SHANK2: variants seen among roughly 807,000 people sequenced by gnomAD.
SHANK2 encodes SH3 and multiple ankyrin repeat domains protein 2.
A neutral mutation model predicts 133.7 loss-of-function variants in SHANK2; 43 were observed. That is an observed-to-expected ratio of 0.32 (90% CI 0.25 to 0.41). The LOEUF is 0.41. SHANK2 is among the 10% of genes least tolerant of loss of function. The probability of loss-of-function intolerance (pLI) is 1.00; values close to 1 mark genes in which losing one functional copy is unlikely to be tolerated. For synonymous variants in SHANK2, 1,017 were observed against 952.8 expected (o/e 1.07, Z -1.24); for missense variants, 1,994 against 2,235.8 (o/e 0.89, Z 2.18).
At chr11:71,241,790 G>A (rs1284907216) in intron 1 of SHANK2, among the ~76,000 whole-genome samples, 1 of 152,212 alleles carries the variant, frequency 6.6e-6, no homozygotes, top group African/African-American at 2.4e-5. Context: ...GAAGAAAGGT[G>A]GGGCCTCCTT....
intron 10 of SHANK2, among the ~76,000 whole-genome samples, chr11:70,901,307 A>G (rs1235857566): frequency 3.3e-5 from 5 of 152,198 alleles, no homozygotes; most frequent in Non-Finnish European, 7.3e-5. Flanking sequence ...ACACCTTTGT[A>G]AAAAATAGAA....
At position 71,078,834 on chromosome 11, in the gene SHANK2, G is replaced by A. The variant is rs1036780199; in HGVS notation, c.913-3559C>T. Reference sequence around the variant, plus strand: ...GTGGGTATAAATGTGAGTGCAGCCCGGCCTCTGAGCTGCTGCTTTGGGTAC... The same window carrying A: ...GTGGGTATAAATGTGAGTGCAGCCCAGCCTCTGAGCTGCTGCTTTGGGTAC... On this transcript the variant is annotated intron_variant, in intron 8 of 25. Transcript: ENST00000601538. Among the ~76,000 whole-genome samples, 703 of 152,306 alleles carry A rather than the reference G, an allele frequency of 4.6e-3. 5 individuals carry two copies. Among genetic ancestry groups the A allele is most frequent in the African/African-American group, 0.015 (644 of 41,564 alleles).
intron 10 of SHANK2, among the ~76,000 whole-genome samples, chr11:70,935,233 A>AC (rs1482546511): frequency 6.6e-6 from 1 of 152,014 alleles, no homozygotes; most frequent in Non-Finnish European, 1.5e-5. Flanking sequence ...TGTCTAGGCC[A>AC]CCCACCCATT....
At position 70,480,268 on chromosome 11, in the gene SHANK2, T is replaced by A. The variant is rs115971776; in HGVS notation, c.4979+5046A>T. Among the ~76,000 whole-genome samples, 1,272 of 152,320 alleles carry A rather than the reference T, an allele frequency of 8.4e-3. 18 individuals are homozygous for A. The highest frequency in any genetic ancestry group is 0.029 in the African/African-American group (1,224 of 41,560). ...GCTCCACTCCTGGTTTTCTGCAAGG[T>A]TGGCTCCTTTTTAAATTTCTGGTCA... is the stretch of plus-strand genomic sequence containing the variant. On this transcript the variant is annotated intron_variant, in intron 25 of 25. Transcript: ENST00000601538.
chr11:71,095,352 G>A (rs1291996037), intron 6 of SHANK2, among the ~76,000 whole-genome samples: 1 of 152,218 alleles, frequency 6.6e-6, no homozygotes, highest in Non-Finnish European at 1.5e-5. Context: ...CGTGGCTAAG[G>A]ACGTCAGTGT....
intron 11 of SHANK2, among the ~76,000 whole-genome samples, chr11:70,822,293 A>C (rs1333464846): frequency 1.3e-5 from 2 of 152,260 alleles, no homozygotes; most frequent in Non-Finnish European, 1.5e-5. Context: ...ACTGCAAGGC[A>C]AGAGAAAACA....
At chr11:70,590,756 T>A (rs2060310552) in intron 17 of SHANK2, among the ~76,000 whole-genome samples, 1 of 151,560 alleles carries the variant, frequency 6.6e-6, no homozygotes, top group Non-Finnish European at 1.5e-5. Context: ...AACTTTTCTA[T>A]GCACTGGGAA....
In SHANK2 at chr11:70,528,819, TGGGAGAAG is replaced by T. The variant is rs2059432215; in HGVS notation, c.2062-25896_2062-25889del. 2.0e-5 allele frequency among the ~76,000 whole-genome samples: 3 copies of T among 152,146 alleles called. No individual in the cohort carries two copies. The South Asian group carries it at 6.2e-4, about 32-fold the overall frequency. On this transcript the variant is annotated intron_variant, in intron 17 of 25. Transcript: ENST00000601538. ...GGGGGGTCCGTGGCAGCCGGCGAGC[TGGGAGAAG>T]CACAGCACCCAGAGGAACCCAGGTG...
chr11:70,587,490 C>T (rs1301749862), intron 17 of SHANK2, among the ~76,000 whole-genome samples: 7 of 152,052 alleles, frequency 4.6e-5, no homozygotes, highest in African/African-American at 1.7e-4. Context: ...ACAGTGCTTA[C>T]CGACAGGAAA....
chr11:71,172,438 A>C (rs1953334964), intron 2 of SHANK2, among the ~76,000 whole-genome samples: 1 of 151,810 alleles, frequency 6.6e-6, no homozygotes, highest in Admixed American at 6.6e-5. Context: ...TCTCTACTAA[A>C]AATATAAAAA....
chr11:70,606,464 G>A (rs2060578379), intron 17 of SHANK2, among the ~76,000 whole-genome samples: 1 of 123,076 alleles, frequency 8.1e-6, no homozygotes, highest in Admixed American at 1.1e-4. Flanking sequence ...TCACGTGATT[G>A]TACCACTGAA....
rs143139317 is a variant in SHANK2, at chr11:70,739,878, C to T, written c.1778-41115G>A. On this transcript the variant is annotated intron_variant, in intron 14 of 25. Coordinates refer to ENST00000601538, the MANE Select transcript of SHANK2 (RefSeq NM_012309.5). This position sits in a 1 kb window ranked among gnomAD's most constrained non-coding sequence, Gnocchi z 4.3. ...CCCACAGAGGACGGCCACGTGAAGA[C>T]AGGCCAGAGCCGCCGCAGAGGATGA... Among the ~76,000 whole-genome samples the T allele has an allele frequency of 2.0e-5, 3 of 152,372 alleles. No individual in the cohort carries two copies. Among genetic ancestry groups the T allele is most frequent in the East Asian group, 3.9e-4 (2 of 5,184 alleles).
intron 14 of SHANK2, among the ~76,000 whole-genome samples, chr11:70,724,491 A>T (rs920838088): frequency 6.6e-6 from 1 of 152,228 alleles, no homozygotes; most frequent in Non-Finnish European, 1.5e-5. Context: ...CATGTCACTA[A>T]GCATCCTGCT....
At chr11:70,602,940 A>C (rs2060520416) in intron 17 of SHANK2, among the ~76,000 whole-genome samples, 1 of 152,240 alleles carries the variant, frequency 6.6e-6, no homozygotes, top group South Asian at 2.1e-4. Flanking sequence ...AATAAACGAG[A>C]CACACACACC....
chr11:70,690,373 G>GA (rs201229345), intron 15 of SHANK2, among the ~76,000 whole-genome samples: 1 of 150,510 alleles, frequency 6.6e-6, no homozygotes, highest in Non-Finnish European at 1.5e-5. Context: ...TGATAGAGTG[G>GA]AAAAAAAACT....
chr11:70,737,726 G>A (rs1946434549), intron 14 of SHANK2, among the ~76,000 whole-genome samples: 1 of 152,198 alleles, frequency 6.6e-6, no homozygotes, highest in African/African-American at 2.4e-5. Context: ...GGAATGCGAG[G>A]GTGGTGCTCC....
intron 14 of SHANK2, among the ~76,000 whole-genome samples, chr11:70,713,022 C>T (rs1161872794): frequency 6.6e-6 from 1 of 152,236 alleles, no homozygotes; most frequent in African/African-American, 2.4e-5. Context: ...TGGGTAAGAC[C>T]CCAGCAGCGA....
intron 10 of SHANK2, among the ~76,000 whole-genome samples, chr11:70,946,320 C>A (rs1267551787): frequency 6.9e-6 from 1 of 145,566 alleles, no homozygotes; most frequent in Non-Finnish European, 1.5e-5. Flanking sequence ...TCTCCACTAA[C>A]CAACACTTCC....
At chr11:70,951,503 T>G (rs552588256) in intron 10 of SHANK2, among the ~76,000 whole-genome samples, 1 of 151,634 alleles carries the variant, frequency 6.6e-6, no homozygotes, top group South Asian at 2.1e-4. Flanking sequence ...TAAATTCATT[T>G]CCCCTGGCTG....
Sources: allele counts gnomAD v4.1 joint callset (sites outside exome capture counted in the v4.1 genomes callset), GRCh38; gene constraint gnomAD v4.1.1; non-coding constraint Gnocchi (gnomAD v3.1); transcripts MANE v1.5; gene names NCBI Gene and HGNC (gene_info 2026-07-23, HGNC 2026-07-21).